The following CSNK1G1 variants were observed in gnomAD, a reference collection of about 807,000 sequenced individuals.
The protein encoded by CSNK1G1 is casein kinase I isoform gamma-1.
CSNK1G1 carries 22 observed loss-of-function variants against 59.6 expected under a neutral mutation model. That is an observed-to-expected ratio of 0.37 (90% CI 0.26 to 0.53). The LOEUF (loss-of-function observed/expected upper bound fraction) is 0.53, where lower values mean the gene tolerates loss of function less well. Among genes scored for constraint, CSNK1G1 ranks in the 20% least tolerant of loss-of-function variants. CSNK1G1 has a pLI of 0.89. For missense variants in CSNK1G1, 384 were observed against 519.5 expected (o/e 0.74, Z 2.54); for synonymous variants, 179 against 177.1 (o/e 1.01, Z -0.08).
chr15:64,176,681 T>C lies in CSNK1G1; in HGVS notation c.1214+3667A>G, dbSNP rs2081745599. On this transcript the variant is annotated intron_variant, in intron 11 of 11. Coordinates refer to ENST00000303052, the MANE Select transcript of CSNK1G1 (RefSeq NM_022048.5). The surrounding 1 kb of genome is among the most constrained non-coding windows in gnomAD (Gnocchi z 5.2). ...ACCATTTTGGTTCCCATATGAAGTC[T>C]TACTGTGCAATATTAAGCTAGCCTC... Among the ~76,000 whole-genome samples, 1 of 152,222 alleles carries C rather than the reference T, an allele frequency of 6.6e-6. No individual in the cohort carries two copies. The highest frequency in any genetic ancestry group is 1.5e-5 in the Non-Finnish European group (1 of 68,040).
intron 1 of CSNK1G1, among the ~76,000 whole-genome samples, chr15:64,302,152 T>C (rs556181742): frequency 6.6e-6 from 1 of 152,114 alleles, no homozygotes; most frequent in Non-Finnish European, 1.5e-5. Context: ...TAGGCTGGAG[T>C]GCAATGGCGA....
intron 10 of CSNK1G1, among the ~76,000 whole-genome samples, chr15:64,191,887 G>C (rs951511324): frequency 6.6e-6 from 1 of 152,140 alleles, no homozygotes; most frequent in African/African-American, 2.4e-5. Flanking sequence ...TTAAATTCTA[G>C]GGCTACTGTT....
At chr15:64,335,183 TAA>T (rs1270702980) in intron 1 of CSNK1G1, among the ~76,000 whole-genome samples, 1 of 152,196 alleles carries the variant, frequency 6.6e-6, no homozygotes, top group Non-Finnish European at 1.5e-5. Context: ...CAATACCTGA[TAA>T]AGAGTTTTGT....
chr15:64,250,861 G>GTCTCTGAATATAATGTCTC (rs1892041179), intron 4 of CSNK1G1, among the ~76,000 whole-genome samples: 1 of 152,164 alleles, frequency 6.6e-6, no homozygotes, highest in Non-Finnish European at 1.5e-5. Context: ...ATGTCAAATA[G>GTCTCTGAATATAATGTCTC]TGAAAATAGC....
Position 64,167,307 on chromosome 15 carries a change from CA to C in CSNK1G1, c.*4623del, listed in dbSNP as rs1287621131. On this transcript the variant is annotated 3_prime_UTR_variant, in exon 12 of 12. Transcript: ENST00000303052. ...CTTATTCAGAAACAAAATCACCCCC[CA>C]TACACCAAAAAACAAACTGAAAACC... 6.6e-6 allele frequency: 1 copy of C among 152,144 alleles called. No individual in the cohort carries two copies. Among genetic ancestry groups the C allele is most frequent in the African/African-American group, 2.4e-5 (1 of 41,430 alleles). The allele number at this position is 152,144 out of a possible 1,614,324, so 9.4% of individuals were successfully genotyped here.
chr15:64,203,458 G>A (rs1297955025), intron 9 of CSNK1G1, among the ~76,000 whole-genome samples: 1 of 152,048 alleles, frequency 6.6e-6, no homozygotes, highest in Admixed American at 6.5e-5. Flanking sequence ...AGCACTTTGG[G>A]AGGCCGAGGT....
chr15:64,329,023 G>C (rs1024580058), intron 1 of CSNK1G1, among the ~76,000 whole-genome samples: 3 of 146,662 alleles, frequency 2.0e-5, no homozygotes, highest in African/African-American at 5.0e-5. Flanking sequence ...GATTCATAAA[G>C]CAAGTCCTGA....
chr15:64,233,545 A>G (rs1049262727), intron 4 of CSNK1G1, among the ~76,000 whole-genome samples: 1 of 152,222 alleles, frequency 6.6e-6, no homozygotes, highest in African/African-American at 2.4e-5. Flanking sequence ...AGCATTATAT[A>G]TGAATATCTC....
At chr15:64,184,787 A>G (rs2081868439) in intron 10 of CSNK1G1, among the ~76,000 whole-genome samples, 1 of 152,210 alleles carries the variant, frequency 6.6e-6, no homozygotes, top group Non-Finnish European at 1.5e-5. Context: ...AGACCAATTA[A>G]TATCTTAAAG....
At chr15:64,311,304 C>T (rs1895983694) in intron 1 of CSNK1G1, among the ~76,000 whole-genome samples, 1 of 152,100 alleles carries the variant, frequency 6.6e-6, no homozygotes, top group Admixed American at 6.5e-5. Flanking sequence ...CCTCAGCCTC[C>T]CAAAGTGCTG....
chr15:64,344,970 T>C (rs1431671293), intron 1 of CSNK1G1, among the ~76,000 whole-genome samples: 5 of 152,180 alleles, frequency 3.3e-5, no homozygotes, highest in African/African-American at 1.2e-4. Flanking sequence ...CTCTGGAGAA[T>C]CTAAGTGCTT....
intron 10 of CSNK1G1, chr15:64,182,052 C>CTTT (rs1567358672): frequency 1.7e-5 from 2 of 118,370 alleles, no homozygotes; most frequent in African/African-American, 4.1e-5. Context: ...ATTAGTAACC[C>CTTT]GTTTTTTTTT....
chr15:64,341,436 C>A (rs1204993875), intron 1 of CSNK1G1, among the ~76,000 whole-genome samples: 1 of 151,874 alleles, frequency 6.6e-6, no homozygotes, highest in East Asian at 1.9e-4. Flanking sequence ...CAGTGCCCGG[C>A]CTGAAATATT....
rs1487947537 is a variant in CSNK1G1, at chr15:64,190,665, C to T, written c.1108-10211G>A. Among the ~76,000 whole-genome samples, 11 of 152,284 alleles carry T rather than the reference C, an allele frequency of 7.2e-5. No homozygotes were observed. In the East Asian group the frequency reaches 1.5e-3, roughly 21 times the overall value. ...CCGACCTCAGGTGATCCACCCGCCT[C>T]GGCCTCCCAAAGTGCTGGAATTACA... On this transcript the variant is annotated intron_variant, in intron 10 of 11. Coordinates refer to ENST00000303052, the MANE Select transcript of CSNK1G1 (RefSeq NM_022048.5).
chr15:64,187,702 G>C (rs753169151), intron 10 of CSNK1G1, among the ~76,000 whole-genome samples: 2 of 152,196 alleles, frequency 1.3e-5, no homozygotes, highest in Non-Finnish European at 2.9e-5. Flanking sequence ...AGTTCACTGT[G>C]TGTCCCAACT....
At chr15:64,295,024 G>GATC (rs1303664746) in intron 2 of CSNK1G1, among the ~76,000 whole-genome samples, 6 of 152,026 alleles carry the variant, frequency 3.9e-5, no homozygotes, top group Admixed American at 2.0e-4. Context: ...AAGGTCAGGA[G>GATC]ATCAAGACCA....
intron 10 of CSNK1G1, among the ~76,000 whole-genome samples, chr15:64,199,087 A>G (rs1008117936): frequency 3.2e-5 from 3 of 94,228 alleles, no homozygotes; most frequent in African/African-American, 1.3e-4. Flanking sequence ...AGAAAATACG[A>G]AAAAAAAAAA....
At chr15:64,241,685 A>G (rs1039191417) in intron 4 of CSNK1G1, among the ~76,000 whole-genome samples, 1 of 152,314 alleles carries the variant, frequency 6.6e-6, no homozygotes. Context: ...TGGAAATTCA[A>G]CAACATGCTC....
At chr15:64,279,427 G>A (rs1016042453) in intron 2 of CSNK1G1, among the ~76,000 whole-genome samples, 6 of 152,076 alleles carry the variant, frequency 3.9e-5, no homozygotes, top group African/African-American at 1.4e-4. Context: ...TTACGTCCGT[G>A]AGATTCATGC....
Sources: allele counts gnomAD v4.1 joint callset (sites outside exome capture counted in the v4.1 genomes callset), GRCh38; gene constraint gnomAD v4.1.1; non-coding constraint Gnocchi (gnomAD v3.1); transcripts MANE v1.5; gene names NCBI Gene and HGNC (gene_info 2026-07-23, HGNC 2026-07-21).